The following ADAM19 variants were observed in gnomAD, a reference collection of about 807,000 sequenced individuals.
ADAM19 encodes the protein ADAM metallopeptidase domain 19.
ADAM19 carries 65 observed loss-of-function variants against 114.7 expected under a neutral mutation model. That is an observed-to-expected ratio of 0.57 (90% CI 0.46 to 0.70). The LOEUF (loss-of-function observed/expected upper bound fraction) is 0.70, where lower values mean the gene tolerates loss of function less well. Among genes scored for constraint, ADAM19 ranks in the 30% least tolerant of loss-of-function variants. The pLI, the probability that ADAM19 is intolerant of heterozygous loss-of-function variation, is 0.00. For synonymous variants in ADAM19, 466 were observed against 460.5 expected, an observed-to-expected ratio of 1.01 and a Z score of -0.15; for missense variants, 1,063 against 1,204.7, an observed-to-expected ratio of 0.88 and a Z score of 1.74.
At chr5:157,518,705 A>G in intron 7 of ADAM19, 118 bp downstream of exon 7, 2 of 938,738 alleles carry the variant, frequency 2.1e-6, no homozygotes, top group East Asian at 4.8e-5. Context: ...TTAAGGTCAA[A>G]ATCATAGATG....
At chr5:157,527,376 A>G (rs1756496407) in intron 5 of ADAM19, among the ~76,000 whole-genome samples, 1 of 152,058 alleles carries the variant, frequency 6.6e-6, no homozygotes, top group Non-Finnish European at 1.5e-5. Context: ...ACGCCTGACT[A>G]ATTTTTTGTA....
At chr5:157,562,230 C>A (rs897987154) in intron 3 of ADAM19, among the ~76,000 whole-genome samples, 1 of 152,182 alleles carries the variant, frequency 6.6e-6, no homozygotes, top group African/African-American at 2.4e-5. Flanking sequence ...AGCAGGAAGC[C>A]GTCCCCCAGG....
chr5:157,536,432 A>C (rs1301596494), intron 4 of ADAM19, among the ~76,000 whole-genome samples: 1 of 152,224 alleles, frequency 6.6e-6, no homozygotes, highest in Non-Finnish European at 1.5e-5. Context: ...GTTCGAGAAT[A>C]GCTTGGCCAA....
intron 21 of ADAM19, among the ~76,000 whole-genome samples, chr5:157,486,199 CTG>C (rs1754925711): frequency 6.6e-6 from 1 of 152,188 alleles, no homozygotes; most frequent in South Asian, 2.1e-4. Flanking sequence ...CCACTCACAA[CTG>C]TGCAATGTCG....
rs1755987958 is a variant in ADAM19 at position 157,513,438 on chromosome 5, T to C, written c.734A>G (p.Asp245Gly). Reference protein sequence around the residue: ...HKLIEIANYVDKFYRSLNIRI... With the variant: ...HKLIEIANYVGKFYRSLNIRI... ...AAAGTACACACCTGGTCTCACCTTA[T>C]CAACATAGTTGGCGATCTCTATGAG... The change falls in exon 8 of 23, where the codon GAT (aspartate) becomes GGT (glycine). Residue 245 changes from aspartate (D) to glycine (G), a missense_variant. Transcript: ENST00000257527. 1 of 1,613,774 alleles carries C rather than the reference T, an allele frequency of 6.2e-7. No homozygotes were observed. Among genetic ancestry groups the C allele is most frequent in the Admixed American group, 1.7e-5 (1 of 60,002 alleles).
chr5:157,489,603 C>A (rs10058865), intron 19 of ADAM19, among the ~76,000 whole-genome samples: 20,062 of 152,230 alleles, frequency 0.13, 1,470 homozygotes, highest in African/African-American at 0.18. Context: ...CAAAATAATA[C>A]ATCACTTTTC....
At chr5:157,481,434 A>T (rs942267397) in intron 22 of ADAM19, 21 of 683,280 alleles carry the variant, frequency 3.1e-5, no homozygotes, top group Non-Finnish European at 4.8e-5. Context: ...CTACTAATGC[A>T]CTTCCTTGCT....
intron 3 of ADAM19, among the ~76,000 whole-genome samples, chr5:157,557,966 T>TA (rs972660994): frequency 1.3e-5 from 2 of 152,138 alleles, no homozygotes; most frequent in African/African-American, 4.8e-5. Flanking sequence ...GTTTGGCTTA[T>TA]AAAAAATCAC....
At chr5:157,555,213 A>C (rs1757332784) in intron 3 of ADAM19, among the ~76,000 whole-genome samples, 1 of 152,206 alleles carries the variant, frequency 6.6e-6, no homozygotes, top group South Asian at 2.1e-4. Flanking sequence ...CATCTGCCAA[A>C]TAGGGCTAAT....
intron 2 of ADAM19, 120 bp from the exon 3 acceptor site, chr5:157,564,563 C>A: frequency 1.2e-6 from 1 of 833,138 alleles, no homozygotes; most frequent in South Asian, 1.4e-5. Flanking sequence ...GAGCAAAGGT[C>A]AATTGCATTT....
intron 9 of ADAM19, among the ~76,000 whole-genome samples, chr5:157,507,707 T>G (rs549045548): frequency 6.6e-6 from 1 of 152,220 alleles, no homozygotes; most frequent in East Asian, 1.9e-4. Context: ...CAAAGTGCAG[T>G]TGGATGCAAG....
intron 3 of ADAM19, among the ~76,000 whole-genome samples, chr5:157,557,420 A>G (rs1048270592): frequency 1.3e-5 from 2 of 152,172 alleles, no homozygotes; most frequent in East Asian, 3.8e-4. Context: ...TCAATTTTGG[A>G]TGCTCTCTGA....
At chr5:157,557,708 A>G (rs1021962528) in intron 3 of ADAM19, among the ~76,000 whole-genome samples, 8 of 152,192 alleles carry the variant, frequency 5.3e-5, no homozygotes, top group Non-Finnish European at 8.8e-5. Flanking sequence ...TCCGGTTCAT[A>G]GATGGTAGCT....
At chr5:157,518,624 T>C (rs1426633736) in intron 7 of ADAM19, among the ~76,000 whole-genome samples, 199 bp downstream of exon 7, 2 of 152,248 alleles carry the variant, frequency 1.3e-5, no homozygotes, top group African/African-American at 4.8e-5. Flanking sequence ...CCTCAGGTGA[T>C]CCACCCGCCT....
At chr5:157,487,354 T>C (rs909563730) in intron 21 of ADAM19, among the ~76,000 whole-genome samples, 1 of 152,126 alleles carries the variant, frequency 6.6e-6, no homozygotes, top group Non-Finnish European at 1.5e-5. Context: ...CTTCCCAAAC[T>C]GTACCACTGC....
At chr5:157,516,177 G>A (rs1179940920) in intron 7 of ADAM19, among the ~76,000 whole-genome samples, 1 of 152,192 alleles carries the variant, frequency 6.6e-6, no homozygotes, top group Non-Finnish European at 1.5e-5. Flanking sequence ...TCGTGAGCCT[G>A]TGAACCCAGC....
At chr5:157,574,173 AAACAAAATATCAAC>A (rs1204810492) in intron 1 of ADAM19, among the ~76,000 whole-genome samples, 1 of 152,194 alleles carries the variant, frequency 6.6e-6, no homozygotes, top group African/African-American at 2.4e-5. Context: ...AGGGGAAAAA[AAACAAAATATCAAC>A]AGCAACTGTG....
intron 14 of ADAM19, 71 bp from the exon 15 acceptor site, chr5:157,494,866 T>C: frequency 7.9e-7 from 1 of 1,264,556 alleles, no homozygotes; most frequent in Non-Finnish European, 1.1e-6. Context: ...GTATCTTTGG[T>C]AAAGTCATGA....
In ADAM19 at chr5:157,505,757, C is replaced by T; in HGVS notation, c.1042G>A (p.Gly348Ser). Residue 348 changes from glycine to serine, a missense_variant, in exon 11 of 23, where the codon GGC becomes AGC. Physicochemically the swap from Gly to Ser is moderately conservative, Grantham distance 56. Around this residue, in one of 3 missense-constraint regions of ADAM19, gnomAD observed 615 missense variants for 706.3 expected, o/e 0.87. Coordinates refer to ENST00000257527, the MANE Select transcript of ADAM19 (RefSeq NM_033274.5). The part of the protein sequence containing the change: ...GVAATMAHEM[G>S]HNFGMTHDSA... ...TCATGGGTCATGCCAAAGTTGTGGCCCATCTCGTGGGCCATGGTGGCAGCC... is the reference window on the plus strand; with the variant it reads ...TCATGGGTCATGCCAAAGTTGTGGCTCATCTCGTGGGCCATGGTGGCAGCC... The T allele has an allele frequency of 6.2e-7, 1 of 1,614,084 alleles. No homozygotes were observed. Among genetic ancestry groups the T allele is most frequent in the Non-Finnish European group, 8.5e-7 (1 of 1,179,998 alleles).
Sources: gnomAD v4.1 joint callset for allele counts (sites outside exome capture counted in the v4.1 genomes callset) on GRCh38, gnomAD v4.1.1 for gene constraint, gnomAD v4.1.1 regional missense constraint, MANE v1.5 for transcripts, NCBI Gene and HGNC (gene_info 2026-07-23, HGNC 2026-07-21) for gene names.